The following SLC22A23 variants were observed in gnomAD, a reference collection of about 807,000 sequenced individuals.
The protein encoded by SLC22A23 is ion transporter protein.
Under a neutral mutation model 61.0 loss-of-function variants are expected in SLC22A23, and 26 were observed. That is an observed-to-expected ratio of 0.43 (90% CI 0.31 to 0.59). The LOEUF is 0.59. SLC22A23 is among the 20% of genes least tolerant of loss of function. SLC22A23 has a pLI of 0.11. For missense variants in SLC22A23, 796 were observed against 934.7 expected, an observed-to-expected ratio of 0.85 and a Z score of 1.94; for synonymous variants, 430 against 413.9, an observed-to-expected ratio of 1.04 and a Z score of -0.47.
Position 3,283,986 on chromosome 6 carries a change from G to GT in SLC22A23, c.1580-12dup, listed in dbSNP as rs1186347734. ...CGCTGTCACTCATCCCTGGGGGAAG[G>GT]TCAGAAGAAGGTGGTGAGGGAAGAG... is the stretch of plus-strand genomic sequence containing the variant. On this transcript the variant is annotated splice_polypyrimidine_tract_variant and intron_variant, in intron 8 of 9. Transcript: ENST00000406686. The GT allele has an allele frequency of 6.3e-7, 1 of 1,597,314 alleles. No individual in the cohort carries two copies. Among genetic ancestry groups the GT allele is most frequent in the Non-Finnish European group, 8.6e-7 (1 of 1,167,698 alleles).
At chr6:3,334,818 GCA>G (rs1763763676) in intron 3 of SLC22A23, among the ~76,000 whole-genome samples, 1 of 152,224 alleles carries the variant, frequency 6.6e-6, no homozygotes. Context: ...GGGACTGACT[GCA>G]CACTGCCAGT....
In SLC22A23 at chr6:3,414,212, A is replaced by T. The variant is rs1769500768; in HGVS notation, c.758+1540T>A. On this transcript the variant is annotated intron_variant, in intron 2 of 9. Transcript: ENST00000406686. This position sits in a 1 kb window ranked among gnomAD's most constrained non-coding sequence, Gnocchi z 5.1. ...ACCCCAGTTGAGTTTGCATTTTTTT[A>T]GAAAGACAGTGACATGGATTATATT... is the stretch of plus-strand genomic sequence containing the variant. Among the ~76,000 whole-genome samples the T allele has an allele frequency of 6.6e-6, 1 of 152,220 alleles. No individual in the cohort carries two copies.
At chr6:3,289,631 T>C in intron 6 of SLC22A23, 133 bp downstream of exon 6, 1 of 710,298 alleles carries the variant, frequency 1.4e-6, no homozygotes. Flanking sequence ...TTCTAGCCCG[T>C]GTCACTCTTC....
At chr6:3,371,173 A>C (rs1442913742) in intron 3 of SLC22A23, among the ~76,000 whole-genome samples, 1 of 152,272 alleles carries the variant, frequency 6.6e-6, no homozygotes, top group Non-Finnish European at 1.5e-5. Flanking sequence ...AAGATAAATA[A>C]GACGTTGCTT....
intron 3 of SLC22A23, among the ~76,000 whole-genome samples, chr6:3,404,007 C>T (rs1322883997): frequency 6.6e-6 from 1 of 152,150 alleles, no homozygotes; most frequent in Non-Finnish European, 1.5e-5. Flanking sequence ...CTTTTCAGTT[C>T]CCCTTTTAGA....
rs1309860167 is a variant in SLC22A23 at position 3,286,787 on chromosome 6, G to T, written c.1546+72C>A. On this transcript the variant is annotated intron_variant, in intron 7 of 9. Coordinates refer to ENST00000406686, the MANE Select transcript of SLC22A23 (RefSeq NM_015482.2). This position sits in a 1 kb window ranked among gnomAD's most constrained non-coding sequence, Gnocchi z 4.2. Reference sequence around the variant, plus strand: ...AGAGTGGCCAGCGGAGTCTTATGCAGCCCTTTCAAATGCCCTTGGGGATCT... The same window carrying T: ...AGAGTGGCCAGCGGAGTCTTATGCATCCCTTTCAAATGCCCTTGGGGATCT... The T allele has an allele frequency of 1.5e-6, 2 of 1,292,606 alleles. No individual in the cohort carries two copies. Among genetic ancestry groups the T allele is most frequent in the Non-Finnish European group, 2.2e-6 (2 of 917,924 alleles). The allele number at this position is 1,292,606 out of a possible 1,614,324, so 80.1% of individuals were successfully genotyped here.
At chr6:3,280,662 A>T (rs939804197) in intron 9 of SLC22A23, among the ~76,000 whole-genome samples, 2 of 150,768 alleles carry the variant, frequency 1.3e-5, no homozygotes, top group Admixed American at 1.3e-4. Context: ...CGCCCGGCTA[A>T]TTTTTTTTGT....
At chr6:3,346,711 C>G (rs753878908) in intron 3 of SLC22A23, among the ~76,000 whole-genome samples, 5 of 152,148 alleles carry the variant, frequency 3.3e-5, no homozygotes, top group Non-Finnish European at 7.4e-5. Flanking sequence ...GAGCTGTGCC[C>G]ATTCCCTGGC....
At chr6:3,435,568 C>T (rs1771153392) in intron 1 of SLC22A23, among the ~76,000 whole-genome samples, 1 of 152,120 alleles carries the variant, frequency 6.6e-6, no homozygotes, top group East Asian at 1.9e-4. Context: ...CCCTCACTTG[C>T]ACATCTGATT....
rs547795081 is a variant in SLC22A23 at position 3,329,245 on chromosome 6, T to C, written c.914-5243A>G. Among the ~76,000 whole-genome samples, 1 of 147,576 alleles carries C rather than the reference T, an allele frequency of 6.8e-6. No individual in the cohort carries two copies. The highest frequency in any genetic ancestry group is 2.6e-5 in the African/African-American group (1 of 38,078). ...TATAAATAAAATTTTAAAAACCTTT[T>C]GAAGCCAATCTTTGAAAAAAAAAGG... is the stretch of plus-strand genomic sequence containing the variant. On this transcript the variant is annotated intron_variant, in intron 3 of 9. Transcript: ENST00000406686. This position sits in a 1 kb window ranked among gnomAD's most constrained non-coding sequence, Gnocchi z 4.8.
intron 3 of SLC22A23, among the ~76,000 whole-genome samples, chr6:3,393,231 C>T (rs978413571): frequency 1.3e-5 from 2 of 152,166 alleles, no homozygotes; most frequent in African/African-American, 4.8e-5. Context: ...GGACGGAAAG[C>T]AAGGCCCCAG....
At position 3,304,399 on chromosome 6, in the gene SLC22A23, T is replaced by G. The variant is rs2127367387; in HGVS notation, c.1083-6181A>C. On this transcript the variant is annotated intron_variant, in intron 4 of 9. Coordinates refer to ENST00000406686, the MANE Select transcript of SLC22A23 (RefSeq NM_015482.2). The surrounding 1 kb of genome is among the most constrained non-coding windows in gnomAD (Gnocchi z 4.3). The stretch of plus-strand genomic sequence containing the variant: ...CCCCTTCTAGAGAGTCTCTGAGAAT[T>G]GCAAAGCTCATAGAAAAGATTTCAA... 6.6e-6 allele frequency among the ~76,000 whole-genome samples: 1 copy of G among 152,368 alleles called. No homozygotes were observed. The highest frequency in any genetic ancestry group is 2.1e-4 in the South Asian group (1 of 4,828).
At chr6:3,289,524 G>A (rs1390680965) in intron 6 of SLC22A23, among the ~76,000 whole-genome samples, 2 of 152,236 alleles carry the variant, frequency 1.3e-5, no homozygotes, top group South Asian at 2.1e-4. Context: ...TGGACCTCAT[G>A]GGCACGTGGT....
intron 9 of SLC22A23, among the ~76,000 whole-genome samples, chr6:3,280,490 CTTTTTTTTTT>C (rs1163139930): frequency 1.7e-5 from 1 of 57,288 alleles, no homozygotes; most frequent in Non-Finnish European, 3.7e-5. Context: ...TAAGACACAA[CTTTTTTTTTT>C]TTTTTTTTTT....
rs1240896084 is a variant in SLC22A23 at position 3,327,952 on chromosome 6, A to T, written c.914-3950T>A. Among the ~76,000 whole-genome samples the T allele has an allele frequency of 6.6e-6, 1 of 152,126 alleles. No homozygotes were observed. The highest frequency in any genetic ancestry group is 2.4e-5 in the African/African-American group (1 of 41,410). Reference sequence around the variant, plus strand: ...ACTTGTGGTGTCATTTAGGTGCTCAAAAAGTTTCAGATTCTAGAGCATTTC... The same window carrying T: ...ACTTGTGGTGTCATTTAGGTGCTCATAAAGTTTCAGATTCTAGAGCATTTC... On this transcript the variant is annotated intron_variant, in intron 3 of 9. Coordinates refer to ENST00000406686, the MANE Select transcript of SLC22A23 (RefSeq NM_015482.2). This position sits in a 1 kb window ranked among gnomAD's most constrained non-coding sequence, Gnocchi z 4.1.
chr6:3,273,019 C>T lies in SLC22A23; in HGVS notation c.*36G>A. 1 of 1,503,432 alleles carries T rather than the reference C, an allele frequency of 6.7e-7. No individual in the cohort carries two copies. The highest frequency in any genetic ancestry group is 8.9e-7 in the Non-Finnish European group (1 of 1,128,498). 93.1% of individuals were successfully genotyped at this position (1,503,432 alleles called of 1,614,324 possible). ...GGTCTGTAAACCTGTGCCCAAGCTG[C>T]CCCAGACCCTGGAGCCCCGGGTTCC... On this transcript the variant is annotated 3_prime_UTR_variant, in exon 10 of 10. Coordinates refer to ENST00000406686, the MANE Select transcript of SLC22A23 (RefSeq NM_015482.2).
In SLC22A23 at chr6:3,324,179, C is replaced by T; in HGVS notation, c.914-177G>A. 1.5e-6 allele frequency: 1 copy of T among 688,588 alleles called. No individual in the cohort carries two copies. The highest frequency in any genetic ancestry group is 2.4e-6 in the Non-Finnish European group (1 of 417,404). 42.7% of individuals were successfully genotyped at this position (688,588 alleles called of 1,614,324 possible). ...AGTGTTTTACGGGCGCGTTGAGGCTCCAACTGGGAAGGGAAGTGAGACGGT... is the reference window on the plus strand; with the variant it reads ...AGTGTTTTACGGGCGCGTTGAGGCTTCAACTGGGAAGGGAAGTGAGACGGT... On this transcript the variant is annotated intron_variant, in intron 3 of 9. Coordinates refer to ENST00000406686, the MANE Select transcript of SLC22A23 (RefSeq NM_015482.2). The surrounding 1 kb of genome is among the most constrained non-coding windows in gnomAD (Gnocchi z 4.3).
intron 3 of SLC22A23, among the ~76,000 whole-genome samples, chr6:3,370,068 G>A (rs754824414): frequency 9.2e-5 from 14 of 152,046 alleles, no homozygotes; most frequent in African/African-American, 2.4e-4. Context: ...TAAGAAAATC[G>A]GCTACAATAG....
chr6:3,274,878 G>C (rs1251633811), intron 9 of SLC22A23, among the ~76,000 whole-genome samples: 1 of 141,992 alleles, frequency 7.0e-6, no homozygotes, highest in African/African-American at 3.0e-5. Context: ...TGAATTAGAA[G>C]ACTAAATATT....
Sources: allele counts gnomAD v4.1 joint callset (sites outside exome capture counted in the v4.1 genomes callset), GRCh38; gene constraint gnomAD v4.1.1; non-coding constraint Gnocchi (gnomAD v3.1); transcripts MANE v1.5; gene names NCBI Gene and HGNC (gene_info 2026-07-23, HGNC 2026-07-21).